GRAMD1B: variants seen among roughly 807,000 people sequenced by gnomAD.
GRAMD1B encodes protein Aster-B.
In GRAMD1B, 37 loss-of-function variants were observed where a neutral mutation model predicts 99.7. That is an observed-to-expected ratio of 0.37 (90% CI 0.29 to 0.49). GRAMD1B has a LOEUF of 0.49. Among genes scored for constraint, GRAMD1B ranks in the 20% least tolerant of loss-of-function variants. GRAMD1B has a pLI of 0.98. For synonymous variants in GRAMD1B, 427 were observed against 387.6 expected (o/e 1.10, Z -1.19); for missense variants, 888 against 1,009.2 (o/e 0.88, Z 1.63).
At chr11:123,385,939 G>C (rs1302108761) in intron 1 of GRAMD1B, among the ~76,000 whole-genome samples, 2 of 152,062 alleles carry the variant, frequency 1.3e-5, no homozygotes, top group Non-Finnish European at 2.9e-5. Context: ...ATTATGCTTT[G>C]TGAAGTGGCC....
At chr11:123,407,079 T>C (rs886219521) in intron 1 of GRAMD1B, among the ~76,000 whole-genome samples, 3 of 152,232 alleles carry the variant, frequency 2.0e-5, no homozygotes, top group Non-Finnish European at 4.4e-5. Flanking sequence ...ATGGTTATTG[T>C]TTTTTCAATA....
At chr11:123,429,957 G>A (rs1948788493), upstream of GRAMD1B, among the ~76,000 whole-genome samples, 1 of 152,162 alleles carries the variant, frequency 6.6e-6, no homozygotes, top group African/African-American at 2.4e-5. This position sits in a 1 kb window ranked among gnomAD's most constrained non-coding sequence, Gnocchi z 4.0. Context: ...GCCTGAGAGA[G>A]TGAGGACTGA....
intron 2 of GRAMD1B, among the ~76,000 whole-genome samples, chr11:123,564,209 C>G (rs966301591): frequency 3.9e-5 from 6 of 152,154 alleles, no homozygotes; most frequent in Non-Finnish European, 7.3e-5. Flanking sequence ...TGTCCCTGGC[C>G]AGAGAAAAGG....
At chr11:123,454,039 C>T (rs981843810) in intron 1 of GRAMD1B, among the ~76,000 whole-genome samples, 1 of 152,232 alleles carries the variant, frequency 6.6e-6, no homozygotes, top group Admixed American at 6.5e-5. Flanking sequence ...AATACTTTCC[C>T]AGCAGCTGAG....
intron 7 of GRAMD1B, among the ~76,000 whole-genome samples, 184 bp from the exon 8 acceptor site, chr11:123,600,277 AGTATCAG>A (rs1354805158): frequency 1.3e-5 from 2 of 152,210 alleles, no homozygotes; most frequent in Non-Finnish European, 2.9e-5. Flanking sequence ...GGAACTTAAC[AGTATCAG>A]GTACCCAGGC....
At chr11:123,527,016 C>G (rs767031074) in intron 2 of GRAMD1B, among the ~76,000 whole-genome samples, 2 of 152,150 alleles carry the variant, frequency 1.3e-5, no homozygotes, top group African/African-American at 4.8e-5. Context: ...TGCAGGGTGG[C>G]ATGTGCAGCT....
intron 3 of GRAMD1B, among the ~76,000 whole-genome samples, chr11:123,581,043 A>C: frequency 1.4e-5 from 2 of 147,802 alleles, no homozygotes. Context: ...TACCTCCTCC[A>C]CACCCCGCAC....
intron 10 of GRAMD1B, 48 bp downstream of exon 10, chr11:123,605,526 G>A (rs752437605): frequency 1.0e-4 from 151 of 1,503,456 alleles, no homozygotes; most frequent in Non-Finnish European, 1.1e-4. Flanking sequence ...TGTGGCCAGC[G>A]TTTCCTAGCA....
chr11:123,390,273 A>T (rs1454901511), intron 1 of GRAMD1B, among the ~76,000 whole-genome samples: 1 of 152,214 alleles, frequency 6.6e-6, no homozygotes, highest in African/African-American at 2.4e-5. Context: ...GTCCAATGAC[A>T]TGAAATAAAT....
chr11:123,520,761 A>C (rs1217574386), intron 2 of GRAMD1B, among the ~76,000 whole-genome samples: 2 of 143,380 alleles, frequency 1.4e-5, no homozygotes, highest in African/African-American at 5.2e-5. Context: ...CCTGGGCAAC[A>C]GAGTGAGACC....
In GRAMD1B at chr11:123,377,974, A is replaced by G. The variant is rs78602717; in HGVS notation, c.-176+19175A>G. On this transcript the variant is annotated intron_variant, in intron 1 of 20. Coordinates refer to the GRAMD1B transcript ENST00000638157. ...TTAGACTGAGTATGGAAAGGTGCTCAGCACACTCTGTCCTTTTTTCCCTGT... is the reference window on the plus strand; with the variant it reads ...TTAGACTGAGTATGGAAAGGTGCTCGGCACACTCTGTCCTTTTTTCCCTGT... Among the ~76,000 whole-genome samples, 843 of 152,324 alleles carry G rather than the reference A, an allele frequency of 5.5e-3. 7 individuals carry two copies. Among genetic ancestry groups the G allele is most frequent in the African/African-American group, 0.019 (794 of 41,578 alleles).
chr11:123,489,957 A>T (rs900295969), intron 2 of GRAMD1B, among the ~76,000 whole-genome samples: 2 of 152,178 alleles, frequency 1.3e-5, no homozygotes, highest in African/African-American at 4.8e-5. Context: ...TGGGAGGATC[A>T]CTTGAAGCTA....
Position 123,594,151 on chromosome 11 carries a change from G to C in GRAMD1B, c.754G>C (p.Glu252Gln). The change falls in exon 5 of 20, where the codon GAG (glutamate) becomes CAG (glutamine). Residue 252 changes from glutamate to glutamine, a missense_variant. Physicochemically the swap from Glu to Gln is conservative, Grantham distance 29. Coordinates refer to ENST00000635736, the MANE Select transcript of GRAMD1B (RefSeq NM_001387025.1). ...GCTCTTTAAGCAGCTTCCAGACACG[G>C]AGCGCCTCATTGTTGGTGAGTTGGG... is the stretch of plus-strand genomic sequence containing the variant. Reference protein sequence around the residue: ...RKLFKQLPDTERLIVDYSCAL... With the variant: ...RKLFKQLPDTQRLIVDYSCAL... The C allele has an allele frequency of 6.2e-7, 1 of 1,612,044 alleles. No homozygotes were observed. The highest frequency in any genetic ancestry group is 8.5e-7 in the Non-Finnish European group (1 of 1,178,166).
intron 4 of GRAMD1B, among the ~76,000 whole-genome samples, chr11:123,593,661 A>T (rs80238317): frequency 0.02 from 3,108 of 152,208 alleles, 45 homozygotes; most frequent in South Asian, 0.033. Flanking sequence ...TTCTTCTGAG[A>T]GGTGCTCTGG....
intron 2 of GRAMD1B, among the ~76,000 whole-genome samples, chr11:123,553,021 T>C (rs1565363939): frequency 1.3e-5 from 2 of 152,256 alleles, no homozygotes; most frequent in Admixed American, 1.3e-4. Flanking sequence ...TATAGACCAA[T>C]GATTCCTAAA....
chr11:123,568,843 T>G (rs1290805), intron 2 of GRAMD1B, among the ~76,000 whole-genome samples: 2 of 152,198 alleles, frequency 1.3e-5, no homozygotes, highest in African/African-American at 4.8e-5. Flanking sequence ...TTTTCTCCCC[T>G]AGAAAGGGAA....
chr11:123,456,848 A>G (rs564141879), intron 1 of GRAMD1B, among the ~76,000 whole-genome samples: 1 of 146,228 alleles, frequency 6.8e-6, no homozygotes, highest in Admixed American at 7.0e-5. Context: ...TGAACCTGGG[A>G]GGCAGAGGTT....
chr11:123,616,051 C>T (rs1031414574), intron 17 of GRAMD1B, among the ~76,000 whole-genome samples: 7 of 152,088 alleles, frequency 4.6e-5, no homozygotes, highest in African/African-American at 9.7e-5. Context: ...TGGCTGGGCG[C>T]GGTGGCTCAC....
intron 2 of GRAMD1B, among the ~76,000 whole-genome samples, chr11:123,557,976 A>ATTT (rs1191576102): frequency 1.1e-5 from 1 of 92,612 alleles, no homozygotes; most frequent in Non-Finnish European, 2.2e-5. Flanking sequence ...ATTCAGTGCA[A>ATTT]CTTTTTTTTT....
Sources: gnomAD v4.1 joint callset for allele counts (sites outside exome capture counted in the v4.1 genomes callset) on GRCh38, gnomAD v4.1.1 for gene constraint, Gnocchi (gnomAD v3.1) non-coding constraint, MANE v1.5 for transcripts, NCBI Gene and HGNC (gene_info 2026-07-23, HGNC 2026-07-21) for gene names.